Variants in FGF14 observed in about 807,000 individuals in gnomAD.
FGF14 encodes the protein fibroblast growth factor 14, also known as fibroblast growth factor homologous factor 4.
In FGF14, 5 loss-of-function variants were observed where a neutral mutation model predicts 25.5. The observed-to-expected ratio is 0.20, with a 90% CI of 0.10 to 0.41. The LOEUF is 0.41. Ranked by LOEUF, FGF14 falls within the 10% of genes least tolerant of loss-of-function variation. FGF14 has a pLI of 1.00. For missense variants in FGF14, 222 were observed against 320.1 expected (o/e 0.69, Z 2.34); for synonymous variants, 138 against 118.3 (o/e 1.17, Z -1.08).
At chr13:102,127,224 C>T (rs1434775821) in intron 1 of FGF14, among the ~76,000 whole-genome samples, 2 of 152,000 alleles carry the variant, frequency 1.3e-5, no homozygotes, top group Admixed American at 6.6e-5. Flanking sequence ...AAACTGGAGA[C>T]CAAGATTATT....
At chr13:102,180,425 C>T (rs1381151002) in intron 1 of FGF14, among the ~76,000 whole-genome samples, 1 of 151,892 alleles carries the variant, frequency 6.6e-6, no homozygotes, top group Non-Finnish European at 1.5e-5. Context: ...CGATTCTCCT[C>T]CCTCAGCCTC....
chr13:101,836,178 T>C (rs1271291504), intron 3 of FGF14, among the ~76,000 whole-genome samples: 1 of 152,018 alleles, frequency 6.6e-6, no homozygotes, highest in Admixed American at 6.6e-5. Context: ...AAGTCTCCAG[T>C]GAGGGAACTG....
chr13:102,356,877 T>TAA (rs201002648), intron 1 of FGF14, among the ~76,000 whole-genome samples: 4 of 140,302 alleles, frequency 2.9e-5, no homozygotes, highest in Admixed American at 7.1e-5. Context: ...ACTTATTAAG[T>TAA]AAAAAAAAAA....
chr13:101,877,591 T>C (rs779598169), intron 1 of FGF14, among the ~76,000 whole-genome samples: 6 of 152,142 alleles, frequency 3.9e-5, no homozygotes, highest in Non-Finnish European at 8.8e-5. Context: ...AGCGGAATAA[T>C]TGAACTAAAA....
intron 1 of FGF14, among the ~76,000 whole-genome samples, chr13:102,038,389 C>G (rs1311448667): frequency 3.9e-5 from 6 of 152,074 alleles, no homozygotes; most frequent in Non-Finnish European, 7.4e-5. Flanking sequence ...TTGACTGAAG[C>G]CTGCTCCTAG....
intron 1 of FGF14, among the ~76,000 whole-genome samples, chr13:102,199,583 G>A (rs1034829884): frequency 1.3e-5 from 2 of 152,088 alleles, no homozygotes; most frequent in African/African-American, 2.4e-5. Flanking sequence ...CAAAGGGTCC[G>A]TCTATCCAGC....
intron 1 of FGF14, among the ~76,000 whole-genome samples, chr13:101,885,606 A>G (rs1421949469): frequency 6.6e-6 from 1 of 151,664 alleles, no homozygotes; most frequent in Non-Finnish European, 1.5e-5. Context: ...TAGGGGTTCT[A>G]TATTTTTACA....
chr13:102,207,199 G>C (rs529491440), intron 1 of FGF14, among the ~76,000 whole-genome samples: 1 of 152,008 alleles, frequency 6.6e-6, no homozygotes, highest in African/African-American at 2.4e-5. Context: ...AAAATCGCTT[G>C]AACCCAGGAG....
At chr13:102,045,030 T>C (rs1386354634) in intron 1 of FGF14, among the ~76,000 whole-genome samples, 1 of 152,166 alleles carries the variant, frequency 6.6e-6, no homozygotes, top group Non-Finnish European at 1.5e-5. Context: ...CTCACTGACG[T>C]TCCCCATCCA....
chr13:101,899,858 A>G (rs2031286739), intron 1 of FGF14, among the ~76,000 whole-genome samples: 2 of 152,106 alleles, frequency 1.3e-5, no homozygotes, highest in Admixed American at 1.3e-4. Flanking sequence ...AAATGGAGAA[A>G]AGAAAGTAAA....
At chr13:102,382,145 C>A (rs557613334) in intron 1 of FGF14, among the ~76,000 whole-genome samples, 1 of 152,100 alleles carries the variant, frequency 6.6e-6, no homozygotes, top group Non-Finnish European at 1.5e-5. Context: ...TAGACTTCAA[C>A]GAAATTAAGA....
chr13:101,943,138 A>C (rs2035559283), intron 1 of FGF14, among the ~76,000 whole-genome samples: 1 of 152,200 alleles, frequency 6.6e-6, no homozygotes, highest in Admixed American at 6.5e-5. Flanking sequence ...ATGGATAACA[A>C]CTAGTAAATG....
chr13:101,788,855 A>G (rs1428046465), intron 3 of FGF14, among the ~76,000 whole-genome samples: 8 of 105,136 alleles, frequency 7.6e-5, no homozygotes, highest in Non-Finnish European at 1.3e-4. Flanking sequence ...CTTTAATGTT[A>G]TTTGTGCCTT....
chr13:102,141,026 T>C (rs1214872829), intron 1 of FGF14, among the ~76,000 whole-genome samples: 1 of 152,232 alleles, frequency 6.6e-6, no homozygotes, highest in East Asian at 1.9e-4. Flanking sequence ...TTTCCCATTC[T>C]TAACTCACCA....
intron 1 of FGF14, among the ~76,000 whole-genome samples, chr13:101,931,143 G>A (rs2034724049): frequency 6.6e-6 from 1 of 152,036 alleles, no homozygotes; most frequent in South Asian, 2.1e-4. Context: ...TGTCCCTTTA[G>A]TTTCAGGAGA....
chr13:102,041,963 G>A (rs1255332755), intron 1 of FGF14, among the ~76,000 whole-genome samples: 2 of 152,028 alleles, frequency 1.3e-5, no homozygotes, highest in African/African-American at 4.8e-5. Context: ...TTAACACTGT[G>A]ACCAGCCAGC....
rs1247007347 is a variant in FGF14, at chr13:101,722,876, T to C, written c.699A>G (p.Ala233=). The change falls in exon 5 of 5, where the codon GCA becomes GCG. Residue 233 remains alanine (A), a synonymous_variant. Transcript: ENST00000376143. ...TGACTGGTTTGCCTCCATTCATTAT[T>C]GCAGACGCACTTGTGCTTTTACTTG... ...VTPSKSTSAS[A]IMNGGKPVNK... The C allele has an allele frequency of 6.2e-7, 1 of 1,613,308 alleles. No individual in the cohort carries two copies. Among genetic ancestry groups the C allele is most frequent in the South Asian group, 1.1e-5 (1 of 91,084 alleles).
At chr13:102,099,218 G>C (rs773271957) in intron 1 of FGF14, among the ~76,000 whole-genome samples, 1 of 152,186 alleles carries the variant, frequency 6.6e-6, no homozygotes, top group Non-Finnish European at 1.5e-5. Flanking sequence ...TGGACACAGA[G>C]AGAAGATAAA....
At chr13:102,173,364 T>C (rs1333599068) in intron 1 of FGF14, among the ~76,000 whole-genome samples, 2 of 152,130 alleles carry the variant, frequency 1.3e-5, no homozygotes, top group Admixed American at 1.3e-4. Flanking sequence ...TTGGAACTCT[T>C]ATACACTGTT....
Sources: gnomAD v4.1 joint callset for allele counts (sites outside exome capture counted in the v4.1 genomes callset) on GRCh38, gnomAD v4.1.1 for gene constraint, MANE v1.5 for transcripts, NCBI Gene and HGNC (gene_info 2026-07-23, HGNC 2026-07-21) for gene names.